Variants in NKAIN3 observed in about 807,000 individuals in gnomAD.
The protein encoded by NKAIN3 is sodium/potassium transporting ATPase interacting 3, also known as sodium/potassium-transporting ATPase subunit beta-1-interacting protein 3.
A neutral mutation model predicts 30.2 loss-of-function variants in NKAIN3; 25 were observed. The observed-to-expected ratio is 0.83, with a 90% confidence interval of 0.60 to 1.16. NKAIN3 has a LOEUF of 1.16. NKAIN3 is among the 50% of genes most tolerant of loss of function. The pLI is 0.00. For synonymous variants in NKAIN3, 91 were observed against 89.6 expected (o/e 1.02, Z -0.09); for missense variants, 225 against 254.1 (o/e 0.89, Z 0.78).
At chr8:62,910,201 C>A (rs956862188) in intron 4 of NKAIN3, among the ~76,000 whole-genome samples, 2 of 152,054 alleles carry the variant, frequency 1.3e-5, no homozygotes, top group African/African-American at 4.8e-5. Flanking sequence ...TCAGAAAATG[C>A]AGTTAAACCA....
chr8:62,808,798 A>T (rs1563572774), intron 4 of NKAIN3, among the ~76,000 whole-genome samples: 1 of 152,274 alleles, frequency 6.6e-6, no homozygotes, highest in Non-Finnish European at 1.5e-5. Flanking sequence ...ATGAAGTTTC[A>T]TGTCCCACTG....
At chr8:62,753,434 A>G (rs941650342) in intron 4 of NKAIN3, among the ~76,000 whole-genome samples, 4 of 152,146 alleles carry the variant, frequency 2.6e-5, no homozygotes, top group Middle Eastern at 3.2e-3. Context: ...CATGTGGCAA[A>G]GAAAGGGTCA....
chr8:62,844,467 T>C (rs950452558), intron 4 of NKAIN3, among the ~76,000 whole-genome samples: 1 of 152,188 alleles, frequency 6.6e-6, no homozygotes, highest in African/African-American at 2.4e-5. Flanking sequence ...GGAGTCTTAA[T>C]TAAGCTGTAG....
At chr8:62,597,604 A>C (rs1056401110) in intron 3 of NKAIN3, among the ~76,000 whole-genome samples, 1 of 151,964 alleles carries the variant, frequency 6.6e-6, no homozygotes, top group African/African-American at 2.4e-5. Context: ...TTTACCAATA[A>C]CTGACCAATG....
chr8:62,933,295 C>T (rs1822678241), intron 5 of NKAIN3, among the ~76,000 whole-genome samples: 1 of 151,984 alleles, frequency 6.6e-6, no homozygotes, highest in Non-Finnish European at 1.5e-5. Flanking sequence ...GAAAGTATTT[C>T]AAAACGGAAA....
chr8:62,326,026 C>T (rs1396360922), intron 1 of NKAIN3, among the ~76,000 whole-genome samples: 2 of 150,938 alleles, frequency 1.3e-5, no homozygotes, highest in Admixed American at 6.6e-5. Flanking sequence ...TAATTAGCTC[C>T]CATTTATTAG....
At chr8:62,848,115 G>A (rs1270718776) in intron 4 of NKAIN3, among the ~76,000 whole-genome samples, 1 of 152,062 alleles carries the variant, frequency 6.6e-6, no homozygotes, top group Non-Finnish European at 1.5e-5. Flanking sequence ...GTAACATTAT[G>A]CCTCCAGCTT....
intron 3 of NKAIN3, among the ~76,000 whole-genome samples, chr8:62,641,657 T>G (rs981001082): frequency 1.9e-4 from 29 of 152,172 alleles, no homozygotes; most frequent in African/African-American, 6.5e-4. Flanking sequence ...CTTAGCAAGT[T>G]AAATAGCTCA....
chr8:62,303,160 A>G (rs1445036846), intron 1 of NKAIN3, among the ~76,000 whole-genome samples: 2 of 150,512 alleles, frequency 1.3e-5, no homozygotes, highest in Non-Finnish European at 2.9e-5. Context: ...TTTTTTAAAA[A>G]CAGTTGTGCT....
At chr8:62,841,038 A>C (rs1454828786) in intron 4 of NKAIN3, among the ~76,000 whole-genome samples, 1 of 152,118 alleles carries the variant, frequency 6.6e-6, no homozygotes, top group Non-Finnish European at 1.5e-5. Flanking sequence ...TGGACCTCCA[A>C]AGATGGGCTT....
intron 4 of NKAIN3, among the ~76,000 whole-genome samples, chr8:62,772,406 G>A (rs917350749): frequency 8.6e-5 from 13 of 150,460 alleles, no homozygotes; most frequent in African/African-American, 2.4e-4. Context: ...TTTGAGAAAC[G>A]TCCAAAGTCT....
rs138111919 is a variant in NKAIN3, at chr8:62,259,161, C to T, written c.54+10034C>T. Among the ~76,000 whole-genome samples, 385 of 152,186 alleles carry T rather than the reference C, an allele frequency of 2.5e-3. 3 individuals are homozygous for T. Among genetic ancestry groups the T allele is most frequent in the African/African-American group, 8.8e-3 (365 of 41,498 alleles). On this transcript the variant is annotated intron_variant, in intron 1 of 6. Coordinates refer to ENST00000623646, the MANE Select transcript of NKAIN3 (RefSeq NM_001304533.3). The stretch of plus-strand genomic sequence containing the variant: ...TATATTACTTATTTTTAAAATAAAG[C>T]TGATTAATGTGGAAGTTAAGATTTA...
chr8:62,344,228 A>T (rs1241309670), intron 1 of NKAIN3, among the ~76,000 whole-genome samples: 1 of 152,140 alleles, frequency 6.6e-6, no homozygotes, highest in Non-Finnish European at 1.5e-5. Context: ...AGAACATTAA[A>T]TGTCAGGTAG....
chr8:62,727,816 T>G (rs1815309106), intron 3 of NKAIN3, among the ~76,000 whole-genome samples: 1 of 152,180 alleles, frequency 6.6e-6, no homozygotes, highest in Non-Finnish European at 1.5e-5. Context: ...TCCAAAGTTG[T>G]TCTGTGGATA....
rs185298878 is a variant in NKAIN3 at position 62,901,845 on chromosome 8, G to T, written c.472-16608G>T. Among the ~76,000 whole-genome samples, 4 of 152,290 alleles carry T rather than the reference G, an allele frequency of 2.6e-5. No individual in the cohort carries two copies. In the East Asian group the frequency reaches 5.8e-4, roughly 22 times the overall value. On this transcript the variant is annotated intron_variant, in intron 4 of 6. Transcript: ENST00000623646. ...CATGTGGCTTTATCTGCATCGAGGG[G>T]CTGAACAGTCTACTGAGTTTACCAT...
At chr8:62,295,217 A>G (rs1268228819) in intron 1 of NKAIN3, among the ~76,000 whole-genome samples, 1 of 152,132 alleles carries the variant, frequency 6.6e-6, no homozygotes. Flanking sequence ...GATATAAGGG[A>G]ATGTGCCCTT....
At chr8:62,397,901 G>A (rs1463233590) in intron 1 of NKAIN3, among the ~76,000 whole-genome samples, 1 of 152,132 alleles carries the variant, frequency 6.6e-6, no homozygotes, top group Non-Finnish European at 1.5e-5. Flanking sequence ...TAATAGTTGT[G>A]GAGTTGGATG....
At chr8:62,953,252 T>A (rs1823333898) in intron 5 of NKAIN3, among the ~76,000 whole-genome samples, 1 of 152,198 alleles carries the variant, frequency 6.6e-6, no homozygotes, top group East Asian at 1.9e-4. Flanking sequence ...GTATCTTTAA[T>A]GGACTATGAA....
chr8:62,604,490 C>G (rs1299321400), intron 3 of NKAIN3, among the ~76,000 whole-genome samples: 1 of 152,082 alleles, frequency 6.6e-6, no homozygotes, highest in Admixed American at 6.6e-5. Context: ...AACTTTCATC[C>G]CACTACAGAA....
Sources: allele counts gnomAD v4.1 joint callset (sites outside exome capture counted in the v4.1 genomes callset), GRCh38; gene constraint gnomAD v4.1.1; transcripts MANE v1.5; gene names NCBI Gene and HGNC (gene_info 2026-07-23, HGNC 2026-07-21).